WDFY3: variants seen among roughly 807,000 people sequenced by gnomAD.
The protein encoded by WDFY3 is WD repeat and FYVE domain-containing protein 3.
A neutral mutation model predicts 409.6 loss-of-function variants in WDFY3; 66 were observed. That is an observed-to-expected ratio of 0.16 (90% CI 0.13 to 0.20). The LOEUF is 0.20. Among genes scored for constraint, WDFY3 ranks in the 10% least tolerant of loss-of-function variants. The pLI, the probability that WDFY3 is intolerant of heterozygous loss-of-function variation, is 1.00. For synonymous variants in WDFY3, 1,521 were observed against 1,537.1 expected, an observed-to-expected ratio of 0.99 and a Z score of 0.25; for missense variants, 3,031 against 4,298.1, an observed-to-expected ratio of 0.71 and a Z score of 8.24.
intron 2 of WDFY3, among the ~76,000 whole-genome samples, chr4:84,926,252 T>A (rs982931826): frequency 6.8e-6 from 1 of 146,684 alleles, no homozygotes; most frequent in Non-Finnish European, 1.5e-5. Flanking sequence ...CATACAAACA[T>A]CAGGCTCTAT....
chr4:84,811,203 T>C (rs986804271), intron 13 of WDFY3, among the ~76,000 whole-genome samples: 2 of 152,178 alleles, frequency 1.3e-5, no homozygotes, highest in African/African-American at 4.8e-5. Flanking sequence ...TTCACCATAT[T>C]GGCCAGGCTA....
intron 2 of WDFY3, among the ~76,000 whole-genome samples, chr4:84,924,382 A>G (rs1038985512): frequency 3.9e-5 from 6 of 152,200 alleles, no homozygotes; most frequent in African/African-American, 1.4e-4. Context: ...TATTCTTTAC[A>G]AAGGCATTTC....
intron 33 of WDFY3, among the ~76,000 whole-genome samples, chr4:84,755,723 TA>T (rs1295480702): frequency 6.6e-6 from 1 of 152,096 alleles, no homozygotes; most frequent in East Asian, 1.9e-4. Context: ...ATAGAACAAA[TA>T]AATTTAAGCA....
intron 1 of WDFY3, among the ~76,000 whole-genome samples, chr4:84,939,502 C>T (rs1428302885): frequency 6.6e-6 from 1 of 152,140 alleles, no homozygotes; most frequent in Non-Finnish European, 1.5e-5. Flanking sequence ...ATCTACTACG[C>T]TAGCTACAAA....
chr4:84,894,734 C>T (rs1005149858), intron 3 of WDFY3, among the ~76,000 whole-genome samples: 2 of 151,524 alleles, frequency 1.3e-5, no homozygotes, highest in Admixed American at 6.6e-5. Flanking sequence ...TGCAGCGAGC[C>T]GAGACTGCGT....
At chr4:84,705,244 A>G in intron 54 of WDFY3, 150 bp downstream of exon 54, 3 of 611,036 alleles carry the variant, frequency 4.9e-6, no homozygotes, top group Non-Finnish European at 8.5e-6. Flanking sequence ...TTCCTCTGCT[A>G]TAATAATCTG....
At chr4:84,853,761 TA>T (rs1468065232) in intron 4 of WDFY3, among the ~76,000 whole-genome samples, 20 of 152,148 alleles carry the variant, frequency 1.3e-4, no homozygotes, top group African/African-American at 3.9e-4. Flanking sequence ...ACAAGATAAA[TA>T]AAACTGGCTT....
chr4:84,672,797 C>A lies in WDFY3; in HGVS notation c.*71G>T. ...GTGTAAACGGAGACTGTTTTCAATG[C>A]CTTCCAAGCTGGGACAGGAGAATCG... On this transcript the variant is annotated 3_prime_UTR_variant, in exon 68 of 68. Coordinates refer to ENST00000295888, the MANE Select transcript of WDFY3 (RefSeq NM_014991.6). 1.3e-6 allele frequency: 2 copies of A among 1,580,518 alleles called. No homozygotes were observed. The highest frequency in any genetic ancestry group is 1.7e-6 in the Non-Finnish European group (2 of 1,165,702).
Position 84,884,808 on chromosome 4 carries a change from T to C in WDFY3, c.-32+12103A>G, listed in dbSNP as rs373795122. On this transcript the variant is annotated intron_variant, in intron 3 of 67. Coordinates refer to ENST00000295888, the MANE Select transcript of WDFY3 (RefSeq NM_014991.6). ...CCATATATCTAATCAGAACCAAACATGTGATAATTGTCACAGAAAACGGTA... is the reference window on the plus strand; with the variant it reads ...CCATATATCTAATCAGAACCAAACACGTGATAATTGTCACAGAAAACGGTA... Among the ~76,000 whole-genome samples the C allele has an allele frequency of 1.6e-4, 25 of 152,128 alleles. No homozygotes were observed. In the East Asian group the frequency reaches 4.8e-3, roughly 29 times the overall value.
intron 32 of WDFY3, 143 bp from the exon 33 acceptor site, chr4:84,757,304 G>A (rs1741634924): frequency 1.4e-6 from 1 of 727,674 alleles, no homozygotes; most frequent in Admixed American, 3.0e-5. Flanking sequence ...GTATTCAACT[G>A]TTGAATTAAT....
At chr4:84,936,887 G>A (rs753790594) in intron 1 of WDFY3, among the ~76,000 whole-genome samples, 12 of 151,922 alleles carry the variant, frequency 7.9e-5, no homozygotes, top group Non-Finnish European at 1.5e-4. Context: ...GCTACTAGAT[G>A]TTACATGCCT....
intron 34 of WDFY3, 84 bp from the exon 35 acceptor site, chr4:84,753,960 T>G: frequency 2.2e-6 from 3 of 1,370,010 alleles, no homozygotes; most frequent in Non-Finnish European, 2.9e-6. Context: ...TACTCAGTAT[T>G]CTTATGAAAC....
Position 84,909,798 on chromosome 4 carries a change from C to A in WDFY3, c.-131-12788G>T, listed in dbSNP as rs946657059. Reference sequence around the variant, plus strand: ...TTTCTGCAAGCAAGACAAATATTTTCTTTTTTGTCTTCATGCTTTTGTCTC... The same window carrying A: ...TTTCTGCAAGCAAGACAAATATTTTATTTTTTGTCTTCATGCTTTTGTCTC... On this transcript the variant is annotated intron_variant, in intron 2 of 67. Transcript: ENST00000295888. Among the ~76,000 whole-genome samples the A allele has an allele frequency of 3.5e-4, 53 of 152,018 alleles. 1 individual carries two copies. Among genetic ancestry groups the A allele is most frequent in the African/African-American group, 1.2e-3 (51 of 41,428 alleles).
intron 25 of WDFY3, among the ~76,000 whole-genome samples, chr4:84,780,859 G>C (rs183362423): frequency 6.6e-6 from 1 of 152,020 alleles, no homozygotes; most frequent in African/African-American, 2.4e-5. Flanking sequence ...TGGGTGTAGA[G>C]GAGTGAGCAG....
chr4:84,778,200 T>C (rs1227066807), intron 27 of WDFY3, among the ~76,000 whole-genome samples: 2 of 152,184 alleles, frequency 1.3e-5, no homozygotes, highest in African/African-American at 4.8e-5. Flanking sequence ...AGAAAAAGTT[T>C]CTATCAGAAT....
chr4:84,936,275 C>G (rs1561113825), intron 1 of WDFY3, among the ~76,000 whole-genome samples: 2 of 152,078 alleles, frequency 1.3e-5, no homozygotes, highest in African/African-American at 4.8e-5. Context: ...AATCTCAGCT[C>G]TTTGTGAGGC....
intron 24 of WDFY3, among the ~76,000 whole-genome samples, chr4:84,785,441 G>T (rs1305800123): frequency 6.6e-6 from 1 of 151,806 alleles, no homozygotes; most frequent in African/African-American, 2.4e-5. Flanking sequence ...ACGTCTCCTT[G>T]GACCACCATA....
chr4:84,907,388 T>C (rs553734661), intron 2 of WDFY3, among the ~76,000 whole-genome samples: 147 of 152,298 alleles, frequency 9.7e-4, no homozygotes, highest in Non-Finnish European at 1.6e-3. Flanking sequence ...AACTTCCACA[T>C]TGTGAAAACA....
At chr4:84,732,434 GATT>G (rs1415466289) in intron 44 of WDFY3, among the ~76,000 whole-genome samples, 15 of 152,004 alleles carry the variant, frequency 9.9e-5, no homozygotes, top group African/African-American at 3.1e-4. Context: ...ATGTACAATA[GATT>G]ATTATCAATT....
Sources: allele counts gnomAD v4.1 joint callset (sites outside exome capture counted in the v4.1 genomes callset), GRCh38; gene constraint gnomAD v4.1.1; transcripts MANE v1.5; gene names NCBI Gene and HGNC (gene_info 2026-07-23, HGNC 2026-07-21).